TMOD3: variants seen among roughly 807,000 people sequenced by gnomAD.
TMOD3 encodes the protein tropomodulin 3, also known as tropomodulin-3.
In TMOD3, 20 loss-of-function variants were observed where a neutral mutation model predicts 39.2. That is an observed-to-expected ratio of 0.51 (90% CI 0.36 to 0.74). TMOD3 has a LOEUF of 0.74. Among genes scored for constraint, TMOD3 ranks in the 30% least tolerant of loss-of-function variants. TMOD3 has a pLI of 0.00. For missense variants in TMOD3, 381 were observed against 412.8 expected (o/e 0.92, Z 0.67); for synonymous variants, 143 against 145.8 (o/e 0.98, Z 0.14).
chr15:51,853,746 C>T (rs1196806790), intron 1 of TMOD3, among the ~76,000 whole-genome samples: 1 of 149,466 alleles, frequency 6.7e-6, no homozygotes, highest in Non-Finnish European at 1.5e-5. Flanking sequence ...GAGTTTGAGG[C>T]TGCGCCACTG....
At chr15:51,833,054 C>T (rs1255408716) in intron 1 of TMOD3, 1 of 152,194 alleles carries the variant, frequency 6.6e-6, no homozygotes, top group Non-Finnish European at 1.5e-5. Flanking sequence ...TTTAAAATCA[C>T]AAATATATGG....
Position 51,887,598 on chromosome 15 carries a change from T to A in TMOD3, c.293T>A (p.Phe98Tyr), listed in dbSNP as rs1292553879. The A allele has an allele frequency of 6.2e-7, 1 of 1,610,782 alleles. No individual in the cohort carries two copies. Among genetic ancestry groups the A allele is most frequent in the Non-Finnish European group, 8.5e-7 (1 of 1,179,238 alleles). Residue 98 changes from phenylalanine (F) to tyrosine (Y), a missense_variant, in exon 4 of 10, where the codon TTT becomes TAT. Coordinates refer to ENST00000308580, the MANE Select transcript of TMOD3 (RefSeq NM_014547.5). ...ATGCTTTATTTTACAGGGAAAATAT[T>A]TATCCCCAAACAGAAACCTGTACAG... is the stretch of plus-strand genomic sequence containing the variant. Reference protein sequence around the residue: ...PYTGEKKGKIFIPKQKPVQTF... With the variant: ...PYTGEKKGKIYIPKQKPVQTF...
chr15:51,897,781 CAA>C (rs35282838), intron 7 of TMOD3, among the ~76,000 whole-genome samples: 8 of 111,050 alleles, frequency 7.2e-5, no homozygotes, highest in Non-Finnish European at 9.4e-5. Flanking sequence ...CCACGCCCAG[CAA>C]AAAAAAAAAA....
At chr15:51,830,924 A>G (rs2056251803) in intron 1 of TMOD3, among the ~76,000 whole-genome samples, 3 of 152,200 alleles carry the variant, frequency 2.0e-5, no homozygotes, top group Admixed American at 2.0e-4. Flanking sequence ...ACACATTCCT[A>G]CGAAAGGAAC....
intron 1 of TMOD3, chr15:51,860,450 A>T: frequency 1.8e-6 from 1 of 564,234 alleles, no homozygotes; most frequent in Non-Finnish European, 3.5e-6. Context: ...AGTAGTCTTG[A>T]TAAAGTTTTG....
chr15:51,910,677 G>A lies in TMOD3; in HGVS notation c.*1867G>A, dbSNP rs1040310417. 2 of 151,880 alleles carry A rather than the reference G, an allele frequency of 1.3e-5. No individual in the cohort carries two copies. Among genetic ancestry groups the A allele is most frequent in the Admixed American group, 1.3e-4 (2 of 15,248 alleles). The allele number at this position is 151,880 out of a possible 1,614,324, so 9.4% of individuals were successfully genotyped here. A position where few individuals can be genotyped will look rare whatever the true frequency, so the allele number is the denominator to read the frequency against. On this transcript the variant is annotated 3_prime_UTR_variant, in exon 10 of 10. Transcript: ENST00000308580. ...TATCTAATAAGCAAGGCAGCTTCTT[G>A]TGTGCTATGGTAATAAGCCTTCTTA... is the stretch of plus-strand genomic sequence containing the variant.
intron 2 of TMOD3, among the ~76,000 whole-genome samples, chr15:51,864,771 C>T (rs1292329654): frequency 6.6e-6 from 1 of 152,044 alleles, no homozygotes; most frequent in African/African-American, 2.4e-5. Flanking sequence ...GTATCTGGTT[C>T]TGGGTGATTT....
At chr15:51,850,923 A>G (rs1328886076) in intron 1 of TMOD3, among the ~76,000 whole-genome samples, 1 of 152,066 alleles carries the variant, frequency 6.6e-6, no homozygotes, top group Non-Finnish European at 1.5e-5. Flanking sequence ...TAGGAGAGAC[A>G]GGGGTTTCAC....
intron 2 of TMOD3, among the ~76,000 whole-genome samples, chr15:51,867,679 C>G (rs1209777872): frequency 6.6e-6 from 1 of 152,134 alleles, no homozygotes; most frequent in African/African-American, 2.4e-5. Flanking sequence ...GCGTCACTGC[C>G]AATATTGGGA....
intron 1 of TMOD3, among the ~76,000 whole-genome samples, chr15:51,853,115 G>T (rs899243843): frequency 1.3e-5 from 2 of 152,198 alleles, no homozygotes; most frequent in Admixed American, 1.3e-4. Context: ...AAAGCTACAT[G>T]AATAGCTGAA....
chr15:51,831,747 C>CT lies in TMOD3; in HGVS notation c.-75+1920dup, dbSNP rs140654829. ...TGCTAGTTTTTCTTTTTTCTCTTTG[C>CT]TTTTTTTTTCTCTCCTCCTCTTCCT... On this transcript the variant is annotated intron_variant, in intron 1 of 9. Coordinates refer to ENST00000308580, the MANE Select transcript of TMOD3 (RefSeq NM_014547.5). 8.4e-3 allele frequency among the ~76,000 whole-genome samples: 1,260 copies of CT among 150,800 alleles called. 30 individuals carry two copies. The highest frequency in any genetic ancestry group is 0.076 in the East Asian group (390 of 5,126).
At chr15:51,837,807 A>C (rs2056293992) in intron 1 of TMOD3, among the ~76,000 whole-genome samples, 1 of 152,134 alleles carries the variant, frequency 6.6e-6, no homozygotes, top group Non-Finnish European at 1.5e-5. Flanking sequence ...ATTCCAAGTG[A>C]TATAGTGTGC....
In TMOD3 at chr15:51,912,536, T is replaced by A. The variant is rs2056716951; in HGVS notation, c.*3726T>A. 3 of 152,296 alleles carry A rather than the reference T, an allele frequency of 2.0e-5. No individual in the cohort carries two copies. In the South Asian group the frequency reaches 6.2e-4, roughly 32 times the overall value. The allele number at this position is 152,296 out of a possible 1,614,324, so 9.4% of individuals were successfully genotyped here. On this transcript the variant is annotated 3_prime_UTR_variant, in exon 10 of 10. Transcript: ENST00000308580. ...TAAGATGACAACATTTATGAAGTTT[T>A]ATAAAATCTTACATTTTAGGGTCTG...
rs771665549 is a variant in TMOD3 at position 51,869,391 on chromosome 15, A to G, written c.283+18A>G. ...AAAAAAAGGTAAGCCCCAGAATTTT[A>G]AAGTCATTATGTGGTAACACTTGAT... On this transcript the variant is annotated intron_variant, in intron 3 of 9. Coordinates refer to ENST00000308580, the MANE Select transcript of TMOD3 (RefSeq NM_014547.5). The G allele has an allele frequency of 5.6e-6, 9 of 1,608,404 alleles. No individual in the cohort carries two copies. The highest frequency in any genetic ancestry group is 7.6e-6 in the Non-Finnish European group (9 of 1,178,614).
At chr15:51,892,735 C>T (rs2056599976) in intron 5 of TMOD3, among the ~76,000 whole-genome samples, 1 of 152,140 alleles carries the variant, frequency 6.6e-6, no homozygotes, top group African/African-American at 2.4e-5. Flanking sequence ...GTCTGTGATT[C>T]TTACTGCCTT....
chr15:51,858,896 G>T (rs976278851), intron 1 of TMOD3, among the ~76,000 whole-genome samples: 2 of 152,170 alleles, frequency 1.3e-5, no homozygotes. Flanking sequence ...ATCAAGCTGA[G>T]CATGGTGTCC....
At chr15:51,838,162 A>G (rs776847173) in intron 1 of TMOD3, among the ~76,000 whole-genome samples, 2 of 151,440 alleles carry the variant, frequency 1.3e-5, no homozygotes, top group Non-Finnish European at 2.9e-5. Context: ...CCCAGCTCCA[A>G]CCTTTTTCAG....
rs1378325128 is a variant in TMOD3, at chr15:51,889,190, A to G, written c.496+45A>G. 11 of 1,369,584 alleles carry G rather than the reference A, an allele frequency of 8.0e-6. No individual in the cohort carries two copies. The African/African-American group carries it at 1.3e-4, about 16-fold the overall frequency. 84.8% of individuals were successfully genotyped at this position (1,369,584 alleles called of 1,614,324 possible). On this transcript the variant is annotated intron_variant, in intron 5 of 9. Coordinates refer to ENST00000308580, the MANE Select transcript of TMOD3 (RefSeq NM_014547.5). ...TGTGAATTCTAATCCTTTATTAAATATATTTTGTTTTCGCCTTGTGTCAGC... is the reference window on the plus strand; with the variant it reads ...TGTGAATTCTAATCCTTTATTAAATGTATTTTGTTTTCGCCTTGTGTCAGC...
chr15:51,886,095 C>G (rs1047569026), intron 3 of TMOD3, among the ~76,000 whole-genome samples: 9 of 151,510 alleles, frequency 5.9e-5, no homozygotes, highest in African/African-American at 1.7e-4. Flanking sequence ...CTCTCCTCAC[C>G]TCCCAGACGG....
Sources: gnomAD v4.1 joint callset for allele counts (sites outside exome capture counted in the v4.1 genomes callset) on GRCh38, gnomAD v4.1.1 for gene constraint, MANE v1.5 for transcripts, NCBI Gene and HGNC (gene_info 2026-07-23, HGNC 2026-07-21) for gene names.